Variants in KATNAL1 observed in about 807,000 individuals in gnomAD.
KATNAL1 encodes the protein katanin p60 ATPase-containing subunit A-like 1.
KATNAL1 carries 32 observed loss-of-function variants against 55.2 expected under a neutral mutation model. The observed-to-expected ratio is 0.58, with a 90% CI of 0.44 to 0.78. The LOEUF is 0.78. Ranked by LOEUF, KATNAL1 falls within the 30% of genes least tolerant of loss-of-function variation. The probability of loss-of-function intolerance (pLI) is 0.00; values close to 1 mark genes in which losing one functional copy is unlikely to be tolerated. For synonymous variants in KATNAL1, 193 were observed against 193.6 expected, an observed-to-expected ratio of 1.00 and a Z score of 0.02; for missense variants, 466 against 600.9, an observed-to-expected ratio of 0.78 and a Z score of 2.35.
chr13:30,250,299 A>G (rs1474373273), intron 4 of KATNAL1, among the ~76,000 whole-genome samples: 1 of 152,274 alleles, frequency 6.6e-6, no homozygotes, highest in Admixed American at 6.5e-5. Flanking sequence ...CACTGTAAAT[A>G]GCATAAAAAA....
In KATNAL1 at chr13:30,296,435, G is replaced by A. The variant is rs1882499780; in HGVS notation, c.-15+10896C>T. The A allele has an allele frequency of 7.0e-6, 6 of 853,562 alleles. No homozygotes were observed. In the Admixed American group the frequency reaches 7.1e-5, roughly 10 times the overall value. The allele number at this position is 853,562 out of a possible 1,614,324, so 52.9% of individuals were successfully genotyped here. A position where few individuals can be genotyped will look rare whatever the true frequency, so the allele number is the denominator to read the frequency against. On this transcript the variant is annotated intron_variant, in intron 1 of 10. Coordinates refer to ENST00000380615, the MANE Select transcript of KATNAL1 (RefSeq NM_032116.5). ...CATCCCCCGGAAGGAGGGAGGCTTGGGCCCCCTGAACATCCCCCTGCTTGC... is the reference window on the plus strand; with the variant it reads ...CATCCCCCGGAAGGAGGGAGGCTTGAGCCCCCTGAACATCCCCCTGCTTGC...
rs375668823 is a variant in KATNAL1 at position 30,243,076 on chromosome 13, GA to G, written c.493-1991del. On this transcript the variant is annotated intron_variant, in intron 4 of 10. Coordinates refer to ENST00000380615, the MANE Select transcript of KATNAL1 (RefSeq NM_032116.5). ...AAATACTACTAACTGCAATGTCACT[GA>G]AATGATCTTAGAATTCTTTCCTTAG... Among the ~76,000 whole-genome samples, 401 of 152,328 alleles carry G rather than the reference GA, an allele frequency of 2.6e-3. 1 individual carries two copies. The highest frequency in any genetic ancestry group is 0.015 in the Admixed American group (228 of 15,298).
rs528662474 is a variant in KATNAL1, at chr13:30,218,819, G to A, written c.1148-8377C>T. 2.6e-4 allele frequency among the ~76,000 whole-genome samples: 39 copies of A among 152,250 alleles called. No homozygotes were observed. In the South Asian group the frequency reaches 5.4e-3, roughly 21 times the overall value. ...TTCCACAGGATCCCAGGCCCCAGCT[G>A]TGGAGTCACCCCCAACCACGACCCA... On this transcript the variant is annotated intron_variant, in intron 9 of 10. Transcript: ENST00000380615.
chr13:30,300,390 T>C (rs934385684), intron 1 of KATNAL1, among the ~76,000 whole-genome samples: 19 of 152,160 alleles, frequency 1.2e-4, no homozygotes, highest in African/African-American at 4.6e-4. Context: ...CTAAGTAACC[T>C]GAACTATAGC....
intron 9 of KATNAL1, among the ~76,000 whole-genome samples, chr13:30,221,702 G>C (rs1053582711): frequency 3.3e-5 from 5 of 152,210 alleles, no homozygotes; most frequent in African/African-American, 1.2e-4. Flanking sequence ...TGGGGTCTGT[G>C]ATGGTTAATT....
intron 8 of KATNAL1, among the ~76,000 whole-genome samples, chr13:30,228,141 A>G (rs934882492): frequency 3.3e-5 from 5 of 152,166 alleles, no homozygotes; most frequent in Non-Finnish European, 7.4e-5. Context: ...CTACATGTAT[A>G]TACACAGTGT....
At chr13:30,233,586 C>A (rs1415102035) in intron 6 of KATNAL1, among the ~76,000 whole-genome samples, 1 of 147,330 alleles carries the variant, frequency 6.8e-6, no homozygotes, top group Non-Finnish European at 1.5e-5. Flanking sequence ...ATTCCACTAC[C>A]GGGAATATAT....
intron 2 of KATNAL1, among the ~76,000 whole-genome samples, chr13:30,282,677 T>C (rs1439480608): frequency 2.0e-5 from 3 of 148,938 alleles, no homozygotes; most frequent in Admixed American, 1.3e-4. Context: ...GAAAGAGGCC[T>C]GGCGTGGTGG....
chr13:30,271,062 T>C (rs1880316883), intron 3 of KATNAL1, among the ~76,000 whole-genome samples: 1 of 152,170 alleles, frequency 6.6e-6, no homozygotes, highest in South Asian at 2.1e-4. Flanking sequence ...GTGAGGGCAT[T>C]TGCCATGTGA....
In KATNAL1 at chr13:30,230,581, G is replaced by A; in HGVS notation, c.899C>T (p.Ala300Val). The A allele has an allele frequency of 6.2e-7, 1 of 1,601,246 alleles. No homozygotes were observed. The highest frequency in any genetic ancestry group is 8.5e-7 in the Non-Finnish European group (1 of 1,172,210). Residue 300 changes from alanine (A) to valine (V), a missense_variant, in exon 8 of 11, where the codon GCC (alanine) becomes GTC (valine). Coordinates refer to ENST00000380615, the MANE Select transcript of KATNAL1 (RefSeq NM_032116.5). ...RLLFEMARFYAPTTIFIDEID... is the reference protein window; with the variant it reads ...RLLFEMARFYVPTTIFIDEID... ...CTCATCAATGAAGATCGTGGTAGGG[G>A]CATAAAATCTAGCCTTTATGAAAAT...
chr13:30,275,274 A>C (rs980826562), intron 3 of KATNAL1, among the ~76,000 whole-genome samples: 5 of 152,142 alleles, frequency 3.3e-5, no homozygotes, highest in Non-Finnish European at 7.3e-5. Context: ...CAAAAGAGTG[A>C]GCAAGAGAGG....
intron 9 of KATNAL1, among the ~76,000 whole-genome samples, chr13:30,214,903 A>G (rs947359531): frequency 2.6e-5 from 4 of 151,738 alleles, no homozygotes; most frequent in Non-Finnish European, 5.9e-5. Flanking sequence ...CAATGGCAAC[A>G]AAAGACAAAA....
chr13:30,216,894 A>G (rs749035012), intron 9 of KATNAL1, among the ~76,000 whole-genome samples: 11 of 152,232 alleles, frequency 7.2e-5, no homozygotes, highest in Admixed American at 2.0e-4. Context: ...GTGTAAATCA[A>G]ACGTTTCACT....
intron 9 of KATNAL1, among the ~76,000 whole-genome samples, chr13:30,216,048 A>G (rs1874195400): frequency 6.6e-6 from 1 of 152,214 alleles, no homozygotes; most frequent in Non-Finnish European, 1.5e-5. Context: ...ACAAAAATGA[A>G]TGTGAGGTGG....
intron 1 of KATNAL1, among the ~76,000 whole-genome samples, chr13:30,302,575 T>C (rs939029543): frequency 6.6e-6 from 1 of 152,080 alleles, no homozygotes; most frequent in Non-Finnish European, 1.5e-5. Flanking sequence ...GAGACAGGAA[T>C]AAACGAGAAT....
intron 9 of KATNAL1, among the ~76,000 whole-genome samples, chr13:30,216,028 C>T (rs1439649352): frequency 6.6e-6 from 1 of 151,986 alleles, no homozygotes; most frequent in Non-Finnish European, 1.5e-5. Flanking sequence ...TGACAGAATA[C>T]CACACAGTAA....
chr13:30,263,883 T>C (rs1393868690), intron 3 of KATNAL1, among the ~76,000 whole-genome samples: 1 of 149,152 alleles, frequency 6.7e-6, no homozygotes, highest in Non-Finnish European at 1.5e-5. Context: ...TACTTTAAAG[T>C]TCATATGGAA....
intron 4 of KATNAL1, among the ~76,000 whole-genome samples, chr13:30,246,705 C>A (rs1445567449): frequency 6.6e-6 from 1 of 152,016 alleles, no homozygotes; most frequent in Non-Finnish European, 1.5e-5. Flanking sequence ...GAAAAAAACA[C>A]AAATAACCCC....
intron 3 of KATNAL1, among the ~76,000 whole-genome samples, chr13:30,266,253 C>T (rs181843913): frequency 6.6e-6 from 1 of 151,968 alleles, no homozygotes; most frequent in Non-Finnish European, 1.5e-5. Context: ...CCGCCCACCT[C>T]GGCCTCCCAA....
Sources: allele counts gnomAD v4.1 joint callset (sites outside exome capture counted in the v4.1 genomes callset), GRCh38; gene constraint gnomAD v4.1.1; transcripts MANE v1.5; gene names NCBI Gene and HGNC (gene_info 2026-07-23, HGNC 2026-07-21).